The following SKAP2 variants were observed in gnomAD, a reference collection of about 807,000 sequenced individuals.
SKAP2 encodes src kinase associated phosphoprotein 2, also known as src kinase-associated phosphoprotein 2.
A neutral mutation model predicts 54.9 loss-of-function variants in SKAP2; 28 were observed. The ratio of observed to expected loss-of-function variants is 0.51; its 90% CI spans 0.38 to 0.70. The LOEUF is 0.70. Among genes scored for constraint, SKAP2 ranks in the 30% least tolerant of loss-of-function variants. The pLI, the probability that SKAP2 is intolerant of heterozygous loss-of-function variation, is 0.00. For missense variants in SKAP2, 356 were observed against 424.1 expected (o/e 0.84, Z 1.41); for synonymous variants, 137 against 134.3 (o/e 1.02, Z -0.14).
At chr7:26,773,819 A>G (rs1202428651) in intron 4 of SKAP2, among the ~76,000 whole-genome samples, 2 of 152,200 alleles carry the variant, frequency 1.3e-5, no homozygotes, top group Admixed American at 1.3e-4. Flanking sequence ...CAATAACCAT[A>G]AATATTATAG....
At chr7:26,785,880 A>C (rs1251311860) in intron 4 of SKAP2, among the ~76,000 whole-genome samples, 1 of 152,204 alleles carries the variant, frequency 6.6e-6, no homozygotes, top group Non-Finnish European at 1.5e-5. Context: ...ATCTACCATA[A>C]GACAGAGCCA....
chr7:26,842,147 C>G (rs1440142740), intron 4 of SKAP2, among the ~76,000 whole-genome samples: 1 of 151,328 alleles, frequency 6.6e-6, no homozygotes, highest in East Asian at 1.9e-4. Context: ...GTGAAAGTAT[C>G]AAAAACAGTA....
chr7:26,813,291 G>A (rs898810790), intron 4 of SKAP2, among the ~76,000 whole-genome samples: 5 of 152,008 alleles, frequency 3.3e-5, no homozygotes, highest in African/African-American at 1.2e-4. Context: ...AAACCTCCTT[G>A]ATAATATATT....
At chr7:26,671,736 A>C (rs1786246333) in intron 11 of SKAP2, among the ~76,000 whole-genome samples, 1 of 152,022 alleles carries the variant, frequency 6.6e-6, no homozygotes, top group African/African-American at 2.4e-5. Context: ...TAGTGGACGA[A>C]GCTGTATAAG....
At chr7:26,830,158 A>G (rs1285736877) in intron 4 of SKAP2, among the ~76,000 whole-genome samples, 1 of 152,216 alleles carries the variant, frequency 6.6e-6, no homozygotes, top group Non-Finnish European at 1.5e-5. Flanking sequence ...ATATGATTCC[A>G]TTTATATGAA....
At chr7:26,781,825 G>A (rs1455967147) in intron 4 of SKAP2, among the ~76,000 whole-genome samples, 3 of 152,014 alleles carry the variant, frequency 2.0e-5, no homozygotes, top group South Asian at 4.2e-4. Context: ...GACTGAAATA[G>A]CCTCCTAGCA....
At chr7:26,701,621 A>AG (rs2127946175) in intron 9 of SKAP2, among the ~76,000 whole-genome samples, 1 of 152,144 alleles carries the variant, frequency 6.6e-6, no homozygotes, top group South Asian at 2.1e-4. Context: ...TAAACCCAGG[A>AG]GGCTGAGGCA....
chr7:26,726,019 A>T (rs769850991), intron 7 of SKAP2, 33 bp from the exon 8 acceptor site: 1 of 1,381,842 alleles, frequency 7.2e-7, no homozygotes, highest in Non-Finnish European at 1.0e-6. Context: ...AACGAAAATC[A>T]CCATAGTAGG....
At chr7:26,735,539 C>A (rs370192568) in intron 6 of SKAP2, among the ~76,000 whole-genome samples, 1 of 152,094 alleles carries the variant, frequency 6.6e-6, no homozygotes, top group Non-Finnish European at 1.5e-5. Flanking sequence ...TTTTGGCACA[C>A]GCAATATGGT....
chr7:26,659,076 C>T, the SKAP2 span, among the ~76,000 whole-genome samples: 3,060 of 152,090 alleles, frequency 0.02, 92 homozygotes, highest in African/African-American at 0.07. Flanking sequence ...TTATGTTCGA[C>T]GTGATATCAT....
At chr7:26,711,559 A>T (rs929730558) in intron 9 of SKAP2, among the ~76,000 whole-genome samples, 2 of 152,214 alleles carry the variant, frequency 1.3e-5, no homozygotes, top group African/African-American at 4.8e-5. Flanking sequence ...ATCTAGAGCT[A>T]CACAGTTGAT....
chr7:26,744,753 C>A (rs537817670), intron 4 of SKAP2, among the ~76,000 whole-genome samples: 62 of 151,230 alleles, frequency 4.1e-4, no homozygotes, highest in African/African-American at 1.4e-3. Context: ...CACACACACA[C>A]AAACACACAC....
At chr7:26,677,102 G>T (rs1434645338) in intron 11 of SKAP2, among the ~76,000 whole-genome samples, 1 of 152,102 alleles carries the variant, frequency 6.6e-6, no homozygotes, top group Non-Finnish European at 1.5e-5. Flanking sequence ...CATTCTCCAA[G>T]GTAAGGAAAG....
chr7:26,655,442 T>C, the SKAP2 span, among the ~76,000 whole-genome samples: 1 of 152,216 alleles, frequency 6.6e-6, no homozygotes, highest in African/African-American at 2.4e-5. Flanking sequence ...CATTCAGGAA[T>C]ATATTTCTTG....
At chr7:26,857,777 AG>A in intron 1 of SKAP2, 2 of 964,860 alleles carry the variant, frequency 2.1e-6, no homozygotes, top group Non-Finnish European at 2.5e-6. Flanking sequence ...TTCAAAAGCA[AG>A]CAATAAGAGT....
chr7:26,656,757 G>A, the SKAP2 span, among the ~76,000 whole-genome samples: 1 of 152,030 alleles, frequency 6.6e-6, no homozygotes, highest in East Asian at 1.9e-4. Flanking sequence ...AACTTACAAA[G>A]ATATTTCATA....
intron 4 of SKAP2, among the ~76,000 whole-genome samples, chr7:26,831,779 T>C (rs1221686655): frequency 1.3e-5 from 2 of 152,132 alleles, no homozygotes; most frequent in African/African-American, 4.8e-5. Flanking sequence ...TTAACTACTA[T>C]GTTTCATTTT....
chr7:26,782,249 G>A (rs1028587997), intron 4 of SKAP2, among the ~76,000 whole-genome samples: 1 of 152,052 alleles, frequency 6.6e-6, no homozygotes, highest in Non-Finnish European at 1.5e-5. Flanking sequence ...TTATTTAACT[G>A]ATAATTAATA....
intron 10 of SKAP2, 104 bp from the exon 11 acceptor site, chr7:26,684,952 A>C: frequency 1.5e-6 from 1 of 654,802 alleles, no homozygotes; most frequent in Non-Finnish European, 2.7e-6. Flanking sequence ...TCACTAAAAT[A>C]GTCTAAAAAA....
Sources: gnomAD v4.1 joint callset for allele counts (sites outside exome capture counted in the v4.1 genomes callset) on GRCh38, gnomAD v4.1.1 for gene constraint, MANE v1.5 for transcripts, NCBI Gene and HGNC (gene_info 2026-07-23, HGNC 2026-07-21) for gene names.